Variants in DRC8 observed in about 807,000 individuals in gnomAD.
DRC8 encodes the protein dynein regulatory complex protein 8.
At chr1:245,015,583 G>A in the DRC8 span, 4 of 159,610 alleles carry the variant, frequency 2.5e-5, no homozygotes, top group Admixed American at 6.4e-5. Context: ...GGTGGTGTGC[G>A]CCTGTAGTCC....
At chr1:244,980,603 T>C in the DRC8 span, among the ~76,000 whole-genome samples, 1 of 152,112 alleles carries the variant, frequency 6.6e-6, no homozygotes, top group Non-Finnish European at 1.5e-5. Flanking sequence ...AGGACAGATA[T>C]GAATATTGAG....
the DRC8 span, among the ~76,000 whole-genome samples, chr1:245,009,420 C>T: frequency 0.82 from 124,484 of 150,966 alleles, 51,452 homozygotes; most frequent in East Asian, 1. Flanking sequence ...CTAAAAACTT[C>T]TCCTTTAATT....
the DRC8 span, among the ~76,000 whole-genome samples, chr1:245,065,899 G>A: frequency 6.6e-6 from 1 of 151,812 alleles, no homozygotes; most frequent in South Asian, 2.1e-4. Context: ...ACTCCTGCAG[G>A]GATGGAGGGC....
chr1:245,076,645 A>G, the DRC8 span, among the ~76,000 whole-genome samples: 2 of 152,358 alleles, frequency 1.3e-5, no homozygotes, highest in South Asian at 2.1e-4. Flanking sequence ...TCATTTCAGT[A>G]TAATTGAGTT....
the DRC8 span, among the ~76,000 whole-genome samples, chr1:245,029,716 C>T: frequency 1.3e-5 from 2 of 152,008 alleles, no homozygotes; most frequent in Non-Finnish European, 2.9e-5. Context: ...CTGCCTCAGC[C>T]TCCCAAGTAG....
At chr1:245,087,394 A>G in the DRC8 span, 1 of 1,558,622 alleles carries the variant, frequency 6.4e-7, no homozygotes, top group Admixed American at 2.3e-5. Flanking sequence ...TGAAAGAACA[A>G]TTTTAGAAAT....
At chr1:245,009,922 T>C in the DRC8 span, among the ~76,000 whole-genome samples, 1 of 152,166 alleles carries the variant, frequency 6.6e-6, no homozygotes, top group African/African-American at 2.4e-5. Flanking sequence ...TGGCACAATC[T>C]TGGCTCAGGC....
chr1:244,995,122 G>A, the DRC8 span, among the ~76,000 whole-genome samples: 2 of 151,982 alleles, frequency 1.3e-5, no homozygotes, highest in African/African-American at 4.8e-5. Context: ...CCACACTTTG[G>A]GAGGCCAAGG....
the DRC8 span, among the ~76,000 whole-genome samples, chr1:245,077,536 A>G: frequency 1.3e-5 from 2 of 152,216 alleles, no homozygotes; most frequent in African/African-American, 4.8e-5. Context: ...CATATAGACT[A>G]TTGGAACAGA....
the DRC8 span, among the ~76,000 whole-genome samples, chr1:244,988,813 A>G: frequency 6.6e-6 from 1 of 152,228 alleles, no homozygotes; most frequent in Non-Finnish European, 1.5e-5. Context: ...TTGATTGAAT[A>G]TTCCTATAGT....
the DRC8 span, among the ~76,000 whole-genome samples, chr1:245,013,433 T>C: frequency 6.6e-6 from 1 of 152,218 alleles, no homozygotes; most frequent in Non-Finnish European, 1.5e-5. Flanking sequence ...AAGATACTGT[T>C]ATGGCTAATA....
At chr1:245,044,602 G>A in the DRC8 span, among the ~76,000 whole-genome samples, 2 of 151,366 alleles carry the variant, frequency 1.3e-5, no homozygotes, top group Non-Finnish European at 2.9e-5. Flanking sequence ...TTTTGAGACG[G>A]AGTCTCGTTC....
At chr1:244,998,624 T>C in the DRC8 span, among the ~76,000 whole-genome samples, 4 of 152,118 alleles carry the variant, frequency 2.6e-5, no homozygotes, top group African/African-American at 2.4e-5. Flanking sequence ...TTCTGGCTAA[T>C]GAAGTAGAAA....
chr1:245,006,486 G>A, the DRC8 span, among the ~76,000 whole-genome samples: 1 of 151,944 alleles, frequency 6.6e-6, no homozygotes, highest in Non-Finnish European at 1.5e-5. Flanking sequence ...TGTATTTTTA[G>A]TAGAGGTGGG....
the DRC8 span, among the ~76,000 whole-genome samples, chr1:244,987,296 G>A: frequency 4.6e-5 from 7 of 151,806 alleles, no homozygotes; most frequent in Non-Finnish European, 7.4e-5. Flanking sequence ...CACCTCCCGG[G>A]TTCAAGCAAT....
the DRC8 span, chr1:244,970,348 G>A: frequency 3.9e-6 from 6 of 1,524,276 alleles, no homozygotes; most frequent in African/African-American, 2.8e-5. Flanking sequence ...GCCGCGGGGC[G>A]CTGAGCAGGC....
At chr1:245,002,137 G>C in the DRC8 span, 1 of 1,605,830 alleles carries the variant, frequency 6.2e-7, no homozygotes, top group East Asian at 2.2e-5. Context: ...GGATACAACA[G>C]TGATGAGATA....
chr1:244,970,636 GCTCCGCCCCGCCCCGCCCCGCCT>G, the DRC8 span: 1 of 346,246 alleles, frequency 2.9e-6, no homozygotes, highest in Admixed American at 1.4e-4. Flanking sequence ...CCGGCCCGCC[GCTCCGCCCCGCCCCGCCCCGCCT>G]CTCTCCCCCG....
At chr1:245,039,300 C>CAAAAAAAAAAA in the DRC8 span, among the ~76,000 whole-genome samples, 5 of 27,436 alleles carry the variant, frequency 1.8e-4, no homozygotes, top group African/African-American at 4.7e-4. Flanking sequence ...CTTGTCTCTA[C>CAAAAAAAAAAA]AAAAAAAAAA....
Sources: allele counts gnomAD v4.1 joint callset (sites outside exome capture counted in the v4.1 genomes callset), GRCh38; gene constraint gnomAD v4.1.1; transcripts MANE v1.5; gene names NCBI Gene and HGNC (gene_info 2026-07-23, HGNC 2026-07-21).